The following SCFD2 variants were observed in gnomAD, a reference collection of about 807,000 sequenced individuals.
SCFD2 encodes sec1 family domain-containing protein 2.
A neutral mutation model predicts 58.9 loss-of-function variants in SCFD2; 54 were observed. The ratio of observed to expected loss-of-function variants is 0.92; its 90% CI spans 0.74 to 1.15. The LOEUF (loss-of-function observed/expected upper bound fraction) is 1.15, where lower values mean the gene tolerates loss of function less well. Ranked by LOEUF, SCFD2 falls within the 50% of genes most tolerant of loss-of-function variation. The pLI, the probability that SCFD2 is intolerant of heterozygous loss-of-function variation, is 0.00. For missense variants in SCFD2, 805 were observed against 836.6 expected, an observed-to-expected ratio of 0.96 and a Z score of 0.47; for synonymous variants, 321 against 335.9, an observed-to-expected ratio of 0.96 and a Z score of 0.49.
intron 5 of SCFD2, among the ~76,000 whole-genome samples, chr4:53,005,387 G>A (rs1320357097): frequency 6.6e-6 from 1 of 152,188 alleles, no homozygotes; most frequent in Non-Finnish European, 1.5e-5. Context: ...CGGAGGTCAG[G>A]CATTTGACCC....
At chr4:53,346,728 G>A (rs574942516) in intron 2 of SCFD2, among the ~76,000 whole-genome samples, 2 of 152,272 alleles carry the variant, frequency 1.3e-5, no homozygotes, top group South Asian at 2.1e-4. Context: ...TTATAGTATA[G>A]TGTTCTGGCA....
intron 3 of SCFD2, among the ~76,000 whole-genome samples, chr4:53,283,382 T>C (rs2149079010): frequency 6.6e-6 from 1 of 152,358 alleles, no homozygotes; most frequent in East Asian, 1.9e-4. Context: ...TTAGGTTTTA[T>C]TGGCTGGGGC....
At chr4:53,302,922 C>A (rs1355056019) in intron 3 of SCFD2, among the ~76,000 whole-genome samples, 1 of 152,152 alleles carries the variant, frequency 6.6e-6, no homozygotes, top group Non-Finnish European at 1.5e-5. Context: ...AACTGGATCC[C>A]TTCTTTACAC....
At chr4:53,151,469 G>GT (rs1223065645) in intron 4 of SCFD2, among the ~76,000 whole-genome samples, 4 of 151,976 alleles carry the variant, frequency 2.6e-5, no homozygotes, top group Non-Finnish European at 5.9e-5. Context: ...TAAAATATGT[G>GT]TTTTTTTTAG....
chr4:52,942,241 T>C (rs897837632), intron 5 of SCFD2, among the ~76,000 whole-genome samples: 2 of 152,210 alleles, frequency 1.3e-5, no homozygotes, highest in African/African-American at 4.8e-5. Context: ...ACAGAATATT[T>C]GGCAAAAGAT....
At chr4:53,181,774 A>T (rs898157799) in intron 4 of SCFD2, among the ~76,000 whole-genome samples, 2 of 152,170 alleles carry the variant, frequency 1.3e-5, no homozygotes, top group African/African-American at 4.8e-5. Context: ...CTCAGCCCAA[A>T]ATCTCCTCAA....
At chr4:53,281,280 A>C (rs1731500861) in intron 3 of SCFD2, among the ~76,000 whole-genome samples, 1 of 152,198 alleles carries the variant, frequency 6.6e-6, no homozygotes, top group Admixed American at 6.5e-5. Flanking sequence ...ATGTTTTTGT[A>C]AGTGCTCCAA....
chr4:53,332,181 G>A lies in SCFD2; in HGVS notation c.1008-18418C>T, dbSNP rs200693118. Among the ~76,000 whole-genome samples, 27 of 150,596 alleles carry A rather than the reference G, an allele frequency of 1.8e-4. No individual in the cohort carries two copies. The East Asian group carries it at 5.2e-3, about 29-fold the overall frequency. On this transcript the variant is annotated intron_variant, in intron 2 of 8. Transcript: ENST00000401642. Reference sequence around the variant, plus strand: ...TCTATCAGAGGTACAAGGAGGAACTGGTACCATTCCTTCTGAAACTATTCC... The same window carrying A: ...TCTATCAGAGGTACAAGGAGGAACTAGTACCATTCCTTCTGAAACTATTCC...
At chr4:53,244,730 G>A (rs1730009530) in intron 4 of SCFD2, among the ~76,000 whole-genome samples, 1 of 150,784 alleles carries the variant, frequency 6.6e-6, no homozygotes. Context: ...CAGAAGACAA[G>A]AAATAAGCAA....
At chr4:53,268,206 A>G (rs1731050368) in intron 4 of SCFD2, among the ~76,000 whole-genome samples, 1 of 152,058 alleles carries the variant, frequency 6.6e-6, no homozygotes, top group South Asian at 2.1e-4. Context: ...GCATTTGTGC[A>G]TGGGGGTGGG....
intron 4 of SCFD2, among the ~76,000 whole-genome samples, chr4:53,245,774 C>A (rs929818143): frequency 6.6e-6 from 1 of 152,130 alleles, no homozygotes; most frequent in Non-Finnish European, 1.5e-5. Flanking sequence ...GGAAGCATTC[C>A]CTTTGAAAAC....
chr4:53,058,190 G>A (rs1447023771), intron 5 of SCFD2, among the ~76,000 whole-genome samples: 2 of 151,974 alleles, frequency 1.3e-5, no homozygotes, highest in African/African-American at 4.8e-5. Context: ...ATTTTATTAT[G>A]TGCTACTATT....
intron 5 of SCFD2, among the ~76,000 whole-genome samples, chr4:52,925,755 A>AC (rs1199846293): frequency 6.6e-6 from 1 of 152,156 alleles, no homozygotes; most frequent in Non-Finnish European, 1.5e-5. Flanking sequence ...GCTGATTGTA[A>AC]CCTTTAGCCA....
intron 4 of SCFD2, among the ~76,000 whole-genome samples, chr4:53,166,461 C>T (rs1486887141): frequency 6.6e-6 from 1 of 152,098 alleles, no homozygotes; most frequent in Non-Finnish European, 1.5e-5. Flanking sequence ...TATACCTTCA[C>T]TTCATGTGTT....
intron 3 of SCFD2, among the ~76,000 whole-genome samples, chr4:53,288,875 T>C (rs893467512): frequency 2.0e-5 from 3 of 152,210 alleles, no homozygotes; most frequent in Non-Finnish European, 4.4e-5. Flanking sequence ...AATGGTGGTG[T>C]GTAAATATTT....
rs561748037 is a variant in SCFD2 at position 53,049,441 on chromosome 4, T to C, written c.1561+95892A>G. On this transcript the variant is annotated intron_variant, in intron 5 of 8. Transcript: ENST00000401642. ...ACTGTGCTATGCACTCTTCATAACC[T>C]ATATTAACTTATTTAGTCGTCACAA... Among the ~76,000 whole-genome samples the C allele has an allele frequency of 9.8e-5, 15 of 152,334 alleles. 1 individual carries two copies. In the South Asian group the frequency reaches 2.7e-3, roughly 27 times the overall value.
chr4:52,900,979 A>T (rs1232503942), intron 7 of SCFD2, among the ~76,000 whole-genome samples: 3 of 152,148 alleles, frequency 2.0e-5, no homozygotes, highest in Admixed American at 6.5e-5. Flanking sequence ...GCCGTTTGTT[A>T]AGCCCATTGG....
At chr4:52,999,244 G>C (rs1721810089) in intron 5 of SCFD2, among the ~76,000 whole-genome samples, 1 of 151,706 alleles carries the variant, frequency 6.6e-6, no homozygotes, top group Admixed American at 6.6e-5. Context: ...CAATTGCTTT[G>C]ACTCCCTAAT....
chr4:53,190,806 T>C (rs1266891935), intron 4 of SCFD2, among the ~76,000 whole-genome samples: 1 of 146,872 alleles, frequency 6.8e-6, no homozygotes, highest in Admixed American at 6.6e-5. Context: ...TCAAATTAAA[T>C]ATGAAGATTT....
Sources: allele counts gnomAD v4.1 joint callset (sites outside exome capture counted in the v4.1 genomes callset), GRCh38; gene constraint gnomAD v4.1.1; transcripts MANE v1.5; gene names NCBI Gene and HGNC (gene_info 2026-07-23, HGNC 2026-07-21).